Variants in CNBD1 observed in about 807,000 individuals in gnomAD.
CNBD1 encodes cyclic nucleotide binding domain containing 1.
A neutral mutation model predicts 54.4 loss-of-function variants in CNBD1; 71 were observed. That is an observed-to-expected ratio of 1.30 (90% CI 1.08 to 1.59). CNBD1 has a LOEUF of 1.59. Ranked by LOEUF, CNBD1 falls within the 40% of genes most tolerant of loss-of-function variation. The pLI is 0.00. For missense variants in CNBD1, 659 were observed against 518.0 expected (o/e 1.27, Z -2.64); for synonymous variants, 182 against 170.7 (o/e 1.07, Z -0.51).
rs187014546 is a variant in CNBD1 at position 86,945,561 on chromosome 8, T to C, written c.431+5807T>C. On this transcript the variant is annotated intron_variant, in intron 4 of 10. Coordinates refer to ENST00000518476, the MANE Select transcript of CNBD1 (RefSeq NM_173538.3). ...GCATGCTGATCAAAGAAAAACACTTTGTGGGGCTATTAATTTGTGAAAAAT... is the reference window on the plus strand; with the variant it reads ...GCATGCTGATCAAAGAAAAACACTTCGTGGGGCTATTAATTTGTGAAAAAT... 1.8e-3 allele frequency among the ~76,000 whole-genome samples: 273 copies of C among 152,282 alleles called. 2 individuals are homozygous for C. The Middle Eastern group carries it at 0.027, about 15-fold the overall frequency.
intron 2 of CNBD1, among the ~76,000 whole-genome samples, chr8:87,416,336 C>T (rs1300849898): frequency 6.6e-6 from 1 of 152,034 alleles, no homozygotes; most frequent in African/African-American, 2.4e-5. Context: ...CCAATGTTTT[C>T]AGTTATTTGC....
intron 1 of CNBD1, among the ~76,000 whole-genome samples, chr8:86,882,179 G>A (rs1256804143): frequency 6.6e-6 from 1 of 152,114 alleles, no homozygotes; most frequent in Admixed American, 6.6e-5. Flanking sequence ...TGACAAATGA[G>A]ATCTAATTAA....
intron 8 of CNBD1, among the ~76,000 whole-genome samples, chr8:87,348,720 T>C (rs1810222759): frequency 6.6e-6 from 1 of 152,194 alleles, no homozygotes; most frequent in South Asian, 2.1e-4. Flanking sequence ...AGTTTCTATT[T>C]AAACTGAGAC....
intron 4 of CNBD1, among the ~76,000 whole-genome samples, chr8:86,959,353 C>A (rs943053547): frequency 1.3e-5 from 2 of 152,122 alleles, no homozygotes; most frequent in Non-Finnish European, 2.9e-5. Flanking sequence ...TAGTGAATAT[C>A]TTCATGGCGT....
chr8:87,020,515 T>A (rs772026686), intron 4 of CNBD1, among the ~76,000 whole-genome samples: 1 of 151,826 alleles, frequency 6.6e-6, no homozygotes, highest in Admixed American at 6.5e-5. Flanking sequence ...GACTAAGGAC[T>A]AAGCTCTTAT....
intron 8 of CNBD1, among the ~76,000 whole-genome samples, chr8:87,328,494 A>G (rs1036940889): frequency 6.6e-6 from 1 of 151,572 alleles, no homozygotes; most frequent in African/African-American, 2.4e-5. Context: ...TGCTAGTAAC[A>G]TACTGCTTTG....
intron 8 of CNBD1, among the ~76,000 whole-genome samples, chr8:87,316,726 G>T (rs958388842): frequency 6.6e-6 from 1 of 151,688 alleles, no homozygotes; most frequent in East Asian, 1.9e-4. Flanking sequence ...GAATGAGGAA[G>T]ATCATAAGCA....
chr8:87,281,721 T>C (rs534728551), intron 6 of CNBD1, among the ~76,000 whole-genome samples: 2 of 150,434 alleles, frequency 1.3e-5, no homozygotes, highest in African/African-American at 4.9e-5. Flanking sequence ...ATACATTTTT[T>C]AGTTTATTTT....
At chr8:87,348,026 A>G (rs1288405783) in intron 8 of CNBD1, among the ~76,000 whole-genome samples, 1 of 152,188 alleles carries the variant, frequency 6.6e-6, no homozygotes, top group Non-Finnish European at 1.5e-5. Flanking sequence ...TGTTTTCCAA[A>G]TCACACATTT....
intron 8 of CNBD1, among the ~76,000 whole-genome samples, chr8:87,308,948 TCTATTATGTATG>T (rs1809211159): frequency 6.6e-6 from 1 of 152,206 alleles, no homozygotes; most frequent in Non-Finnish European, 1.5e-5. Flanking sequence ...TCAATCGTAT[TCTATTATGTATG>T]CATGCCACAT....
At chr8:87,401,740 A>G (rs1204778990) in intron 2 of CNBD1, among the ~76,000 whole-genome samples, 1 of 152,048 alleles carries the variant, frequency 6.6e-6, no homozygotes. Context: ...TCGTAGAAGC[A>G]TGGATTTTTT....
intron 4 of CNBD1, among the ~76,000 whole-genome samples, chr8:87,125,441 A>G (rs1319865647): frequency 6.6e-6 from 1 of 151,830 alleles, no homozygotes; most frequent in Non-Finnish European, 1.5e-5. Context: ...CATATCGGCC[A>G]ATAAAACAGT....
At chr8:86,936,351 ATAT>A (rs1237908665) in intron 3 of CNBD1, among the ~76,000 whole-genome samples, 1 of 152,204 alleles carries the variant, frequency 6.6e-6, no homozygotes, top group Non-Finnish European at 1.5e-5. Flanking sequence ...AGATACAGAA[ATAT>A]TATCACACAT....
intron 2 of CNBD1, among the ~76,000 whole-genome samples, chr8:87,390,460 C>G (rs1241766987): frequency 1.3e-5 from 2 of 152,134 alleles, no homozygotes; most frequent in South Asian, 4.1e-4. Flanking sequence ...CAAAAGAAGA[C>G]ATTTATGCAG....
chr8:87,286,620 A>T lies in CNBD1; in HGVS notation c.991A>T (p.Ile331Leu), dbSNP rs1178963126. 1 of 1,528,026 alleles carries T rather than the reference A, an allele frequency of 6.5e-7. No individual in the cohort carries two copies. The highest frequency in any genetic ancestry group is 8.9e-7 in the Non-Finnish European group (1 of 1,125,104). 94.7% of individuals were successfully genotyped at this position (1,528,026 alleles called of 1,614,324 possible). A position where few individuals can be genotyped will look rare whatever the true frequency, so the allele number is the denominator to read the frequency against. The part of the protein sequence containing the change: ...PYYEEWPTLS[I>L]YELIALLKWK... The stretch of plus-strand genomic sequence containing the variant: ...TTATGAGGAATGGCCTACTTTATCC[A>T]TATATGAGCTAATTGCACTCCTTAA... Residue 331 changes from isoleucine to leucine, a missense_variant, in exon 8 of 11, where the codon ATA becomes TTA. Physicochemically the swap from Ile to Leu is conservative, Grantham distance 5. Transcript: ENST00000518476.
intron 6 of CNBD1, among the ~76,000 whole-genome samples, chr8:87,253,456 C>T (rs973247582): frequency 1.3e-5 from 2 of 152,138 alleles, no homozygotes; most frequent in Non-Finnish European, 1.5e-5. Flanking sequence ...GTCTAGAAAG[C>T]ACGTCCACCT....
chr8:87,055,240 G>T (rs1164007261), intron 4 of CNBD1, among the ~76,000 whole-genome samples: 1 of 152,120 alleles, frequency 6.6e-6, no homozygotes, highest in African/African-American at 2.4e-5. Flanking sequence ...TCCTGGACGG[G>T]TTGCCATTTT....
intron 8 of CNBD1, among the ~76,000 whole-genome samples, chr8:87,339,261 A>G (rs542624846): frequency 6.6e-6 from 1 of 152,192 alleles, no homozygotes; most frequent in Non-Finnish European, 1.5e-5. Flanking sequence ...GGATGTAAAA[A>G]CTCATAAAAA....
rs1811948595 is a variant in CNBD1, at chr8:87,124,224, C to T, written c.432-81769C>T. ...ATGAAATAATGCAACTTATTCTCAC[C>T]TTGAGTTCAGTTTGAGAATTGAACT... On this transcript the variant is annotated intron_variant, in intron 4 of 10. Transcript: ENST00000518476. Among the ~76,000 whole-genome samples the T allele has an allele frequency of 4.0e-5, 6 of 151,730 alleles. No homozygotes were observed. The South Asian group carries it at 1.2e-3, about 31-fold the overall frequency.
Sources: gnomAD v4.1 joint callset for allele counts (sites outside exome capture counted in the v4.1 genomes callset) on GRCh38, gnomAD v4.1.1 for gene constraint, MANE v1.5 for transcripts, NCBI Gene and HGNC (gene_info 2026-07-23, HGNC 2026-07-21) for gene names.